SGTB: variants seen among roughly 807,000 people sequenced by gnomAD.
SGTB encodes small glutamine-rich tetratricopeptide repeat-containing protein beta.
In SGTB, 19 loss-of-function variants were observed where a neutral mutation model predicts 43.9. That is an observed-to-expected ratio of 0.43 (90% CI 0.30 to 0.63). The LOEUF is 0.63. Ranked by LOEUF, SGTB falls within the 30% of genes least tolerant of loss-of-function variation. SGTB has a pLI of 0.12. For synonymous variants in SGTB, 116 were observed against 117.3 expected, an observed-to-expected ratio of 0.99 and a Z score of 0.07; for missense variants, 304 against 358.9, an observed-to-expected ratio of 0.85 and a Z score of 1.24.
intron 5 of SGTB, among the ~76,000 whole-genome samples, chr5:65,698,179 G>T (rs1449384816): frequency 6.6e-6 from 1 of 152,082 alleles, no homozygotes; most frequent in East Asian, 1.9e-4. Context: ...AGGTTATACA[G>T]GTGTATGTAT....
chr5:65,683,088 T>C (rs1241222922), intron 6 of SGTB, among the ~76,000 whole-genome samples: 2 of 151,680 alleles, frequency 1.3e-5, no homozygotes, highest in African/African-American at 2.4e-5. Flanking sequence ...ATGAAGCTTG[T>C]CTCATAAATA....
intron 5 of SGTB, among the ~76,000 whole-genome samples, chr5:65,701,373 T>C (rs1248707635): frequency 1.3e-5 from 2 of 152,024 alleles, no homozygotes; most frequent in African/African-American, 2.4e-5. Flanking sequence ...CTTGAGATGA[T>C]AAAATTTAAA....
chr5:65,680,861 G>A lies in SGTB; in HGVS notation c.480-67C>T, dbSNP rs115722294. On this transcript the variant is annotated intron_variant, in intron 6 of 10. Coordinates refer to ENST00000381007, the MANE Select transcript of SGTB (RefSeq NM_019072.3). ...AGAACATCAGGACATCACAAACATC[G>A]TCAAACGTCTGTCTGTCTTGGTATT... The A allele has an allele frequency of 3.9e-4, 573 of 1,470,888 alleles. 4 individuals are homozygous for A. The African/African-American group carries it at 7.1e-3, about 18-fold the overall frequency. The allele number at this position is 1,470,888 out of a possible 1,614,324, so 91.1% of individuals were successfully genotyped here.
intron 5 of SGTB, among the ~76,000 whole-genome samples, chr5:65,691,832 G>T (rs959318117): frequency 6.6e-6 from 1 of 151,180 alleles, no homozygotes; most frequent in South Asian, 2.1e-4. Flanking sequence ...TCGGGAGGCC[G>T]ACGCAGGAGA....
intron 2 of SGTB, among the ~76,000 whole-genome samples, chr5:65,719,915 A>T (rs977573625): frequency 1.3e-5 from 2 of 152,184 alleles, no homozygotes; most frequent in Non-Finnish European, 2.9e-5. Context: ...ACATAGTGCT[A>T]TTAAAATGAC....
chr5:65,692,995 C>G lies in SGTB; in HGVS notation c.375-7523G>C, dbSNP rs556016094. ...CCGAGGTGGGTGAATCACTTCAGGT[C>G]AGGAGTTTGAGAAAGCCTGCCCAAC... On this transcript the variant is annotated intron_variant, in intron 5 of 10. Transcript: ENST00000381007. Among the ~76,000 whole-genome samples the G allele has an allele frequency of 2.6e-5, 4 of 152,146 alleles. No homozygotes were observed. In the South Asian group the frequency reaches 8.3e-4, roughly 32 times the overall value.
chr5:65,693,501 TAG>T (rs762375327), intron 5 of SGTB, among the ~76,000 whole-genome samples: 4 of 152,088 alleles, frequency 2.6e-5, no homozygotes, highest in Non-Finnish European at 5.9e-5. Context: ...AACATACATA[TAG>T]AGAGAGATGT....
intron 5 of SGTB, among the ~76,000 whole-genome samples, chr5:65,686,097 A>C (rs1383614577): frequency 6.6e-6 from 1 of 151,860 alleles, no homozygotes; most frequent in African/African-American, 2.4e-5. Flanking sequence ...CCAAATAGGA[A>C]GAAATAGCTC....
chr5:65,703,279 T>C (rs1292339243), intron 5 of SGTB, among the ~76,000 whole-genome samples: 1 of 152,174 alleles, frequency 6.6e-6, no homozygotes, highest in Non-Finnish European at 1.5e-5. Context: ...CAATGATAGG[T>C]GCTGGAAATA....
At chr5:65,691,923 T>G (rs1293138249) in intron 5 of SGTB, among the ~76,000 whole-genome samples, 3 of 147,100 alleles carry the variant, frequency 2.0e-5, no homozygotes, top group Non-Finnish European at 3.0e-5. Flanking sequence ...AGACCGAGAC[T>G]TCGTCTTAAA....
At chr5:65,702,632 G>A (rs1222634722) in intron 5 of SGTB, among the ~76,000 whole-genome samples, 1 of 152,194 alleles carries the variant, frequency 6.6e-6, no homozygotes, top group African/African-American at 2.4e-5. Flanking sequence ...GCTCTCCAGA[G>A]TCTCTTTCAT....
chr5:65,694,463 C>T (rs964130602), intron 5 of SGTB, among the ~76,000 whole-genome samples: 1 of 151,992 alleles, frequency 6.6e-6, no homozygotes, highest in African/African-American at 2.4e-5. Context: ...AGAAGCAACA[C>T]CTAACAGGGT....
At chr5:65,719,882 A>G (rs1758223676) in intron 2 of SGTB, among the ~76,000 whole-genome samples, 1 of 152,136 alleles carries the variant, frequency 6.6e-6, no homozygotes, top group Non-Finnish European at 1.5e-5. Flanking sequence ...AGATCTCACT[A>G]GTGGTATAAT....
At position 65,669,685 on chromosome 5, in the gene SGTB, C is replaced by T. The variant is rs868653814; in HGVS notation, c.*561G>A. 2.0e-5 allele frequency: 3 copies of T among 152,620 alleles called. No individual in the cohort carries two copies. The highest frequency in any genetic ancestry group is 2.0e-4 in the Admixed American group (3 of 15,280). The allele number at this position is 152,620 out of a possible 1,614,324, so 9.5% of individuals were successfully genotyped here. On this transcript the variant is annotated 3_prime_UTR_variant, in exon 11 of 11. Coordinates refer to ENST00000381007, the MANE Select transcript of SGTB (RefSeq NM_019072.3). ...TCTTAAGATTCTCTGTTCACCAGAACAAGCAACATTAAAGATAACATTGGT... is the reference window on the plus strand; with the variant it reads ...TCTTAAGATTCTCTGTTCACCAGAATAAGCAACATTAAAGATAACATTGGT...
chr5:65,696,340 T>C (rs1757714172), intron 5 of SGTB, among the ~76,000 whole-genome samples: 1 of 152,188 alleles, frequency 6.6e-6, no homozygotes, highest in Non-Finnish European at 1.5e-5. Flanking sequence ...TGACTATGGG[T>C]AAAGTACTCA....
At chr5:65,707,906 G>A (rs979250104) in intron 4 of SGTB, among the ~76,000 whole-genome samples, 1 of 152,132 alleles carries the variant, frequency 6.6e-6, no homozygotes, top group African/African-American at 2.4e-5. Flanking sequence ...CTAAAGCTTT[G>A]TAGTACAAAT....
rs551237461 is a variant in SGTB at position 65,697,948 on chromosome 5, T to C, written c.374+6331A>G. 8.5e-5 allele frequency among the ~76,000 whole-genome samples: 13 copies of C among 152,240 alleles called. 1 individual carries two copies. The South Asian group carries it at 2.3e-3, about 27-fold the overall frequency. Reference sequence around the variant, plus strand: ...TCTCAAAACCGTTACGCTGAGCAAATAAAGTCTTGCACAGAAAATATGTAT... The same window carrying C: ...TCTCAAAACCGTTACGCTGAGCAAACAAAGTCTTGCACAGAAAATATGTAT... On this transcript the variant is annotated intron_variant, in intron 5 of 10. Coordinates refer to ENST00000381007, the MANE Select transcript of SGTB (RefSeq NM_019072.3).
intron 5 of SGTB, among the ~76,000 whole-genome samples, chr5:65,699,737 C>T (rs575856034): frequency 2.0e-5 from 3 of 152,280 alleles, no homozygotes; most frequent in Non-Finnish European, 2.9e-5. Context: ...GGATTATAGG[C>T]GTGAGCCACT....
chr5:65,700,114 T>C (rs1373443650), intron 5 of SGTB, among the ~76,000 whole-genome samples: 1 of 152,220 alleles, frequency 6.6e-6, no homozygotes, highest in African/African-American at 2.4e-5. Context: ...TATGCTGATA[T>C]ATAGTTATGC....
Sources: allele counts gnomAD v4.1 joint callset (sites outside exome capture counted in the v4.1 genomes callset), GRCh38; gene constraint gnomAD v4.1.1; transcripts MANE v1.5; gene names NCBI Gene and HGNC (gene_info 2026-07-23, HGNC 2026-07-21).